Variants in DENND4C observed in about 807,000 individuals in gnomAD.
DENND4C encodes the protein DENN domain-containing protein 4C.
Under a neutral mutation model 203.0 loss-of-function variants are expected in DENND4C, and 108 were observed. That is an observed-to-expected ratio of 0.53 (90% confidence interval 0.46 to 0.62). DENND4C has a LOEUF of 0.62. DENND4C is among the 20% of genes least tolerant of loss of function. The pLI is 0.00. For missense variants in DENND4C, 2,481 were observed against 2,301.2 expected (o/e 1.08, Z -1.60); for synonymous variants, 871 against 792.4 (o/e 1.10, Z -1.67).
At chr9:19,340,891 A>G (rs887487953) in intron 20 of DENND4C, 101 bp from the exon 21 acceptor site, 4 of 1,059,306 alleles carry the variant, frequency 3.8e-6, no homozygotes, top group Non-Finnish European at 5.1e-6. Context: ...CCTTTTGTCT[A>G]ACCGTAATTG....
chr9:19,230,551 G>C (rs1447374059), upstream of DENND4C: 1 of 152,270 alleles, frequency 6.6e-6, no homozygotes, highest in African/African-American at 2.4e-5. Flanking sequence ...GCTGCGCCGC[G>C]GGCAGCTCCT....
intron 17 of DENND4C, among the ~76,000 whole-genome samples, chr9:19,334,220 A>G (rs1819912178): frequency 6.6e-6 from 1 of 151,856 alleles, no homozygotes; most frequent in South Asian, 2.1e-4. Flanking sequence ...TAATTTTTGT[A>G]TATATTTTTT....
intron 30 of DENND4C, among the ~76,000 whole-genome samples, chr9:19,367,980 G>T (rs1828030195): frequency 6.6e-6 from 1 of 152,152 alleles, no homozygotes; most frequent in Non-Finnish European, 1.5e-5. Flanking sequence ...GTTGCCTAGG[G>T]CTAAGGGGTT....
intron 1 of DENND4C, among the ~76,000 whole-genome samples, chr9:19,274,957 G>A (rs1043011233): frequency 2.2e-4 from 33 of 152,154 alleles, no homozygotes; most frequent in African/African-American, 7.0e-4. Flanking sequence ...GGAAAATACC[G>A]TAGTCCACCT....
In DENND4C at chr9:19,355,189, C is replaced by T. The variant is rs146298138; in HGVS notation, c.4782-1783C>T. Among the ~76,000 whole-genome samples the T allele has an allele frequency of 7.4e-3, 1,125 of 152,230 alleles. 18 individuals are homozygous for T. Among genetic ancestry groups the T allele is most frequent in the African/African-American group, 0.026 (1,088 of 41,548 alleles). On this transcript the variant is annotated intron_variant, in intron 26 of 32. Transcript: ENST00000434457. ...TCTCCCAAAGTGCCGGGATTACAGG[C>T]GTCAGCCACCATGCCTGGCCATTCA...
rs371179859 is a variant in DENND4C at position 19,326,164 on chromosome 9, A to G, written c.2090A>G (p.Asp697Gly). 1 of 1,613,308 alleles carries G rather than the reference A, an allele frequency of 6.2e-7. No individual in the cohort carries two copies. The highest frequency in any genetic ancestry group is 8.5e-7 in the Non-Finnish European group (1 of 1,179,680). Residue 697 changes from aspartate to glycine, a missense_variant, in exon 15 of 33, where the codon GAT (aspartate) becomes GGT (glycine). Around this residue, in one of 3 missense-constraint regions of DENND4C, gnomAD observed 2,289 missense variants for 2,113.3 expected, o/e 1.08. Coordinates refer to ENST00000434457, the MANE Select transcript of DENND4C (RefSeq NM_001330640.2). ...ATAATGCCGCCAGAGCCACCTCCTG[A>G]TGATGGAAAGGACCTGTCACCAAAG... is the stretch of plus-strand genomic sequence containing the variant. ...VFIMPPEPPPDDGKDLSPKYS... is the reference protein window; with the variant it reads ...VFIMPPEPPPGDGKDLSPKYS...
Position 19,346,886 on chromosome 9 carries a change from A to C in DENND4C, c.4117A>C (p.Thr1373Pro), listed in dbSNP as rs776035832. The C allele has an allele frequency of 1.8e-5, 29 of 1,614,098 alleles. No individual in the cohort carries two copies. The Admixed American group carries it at 3.8e-4, about 21-fold the overall frequency. Residue 1373 changes from threonine to proline, a missense_variant, in exon 23 of 33, where the codon ACT becomes CCT. Coordinates refer to ENST00000434457, the MANE Select transcript of DENND4C (RefSeq NM_001330640.2). ...CTCTCGAACTCATAAAGAACGTTCA[A>C]CTTCTTTGTCAGCACTGGTGCGTTC... The part of the protein sequence containing the change: ...TPSRTHKERS[T>P]SLSALVRSSP...
At chr9:19,335,160 G>A in intron 18 of DENND4C, 55 bp downstream of exon 18, 1 of 1,318,464 alleles carries the variant, frequency 7.6e-7, no homozygotes, top group Non-Finnish European at 1.0e-6. Context: ...TGATTATTTT[G>A]TATACCTTTA....
At chr9:19,352,440 A>T (rs758579288) in intron 25 of DENND4C, 50 bp from the exon 26 acceptor site, 1 of 1,476,146 alleles carries the variant, frequency 6.8e-7, no homozygotes, top group Non-Finnish European at 9.1e-7. Flanking sequence ...ATTCCTGTTA[A>T]GATTAATTTT....
At chr9:19,268,319 T>C (rs1190076688) in intron 1 of DENND4C, among the ~76,000 whole-genome samples, 1 of 152,136 alleles carries the variant, frequency 6.6e-6, no homozygotes, top group Non-Finnish European at 1.5e-5. Flanking sequence ...AGGCTGGTAT[T>C]GAACGCCTGA....
intron 22 of DENND4C, among the ~76,000 whole-genome samples, chr9:19,344,901 C>T (rs1822492168): frequency 1.3e-5 from 2 of 152,110 alleles, no homozygotes; most frequent in African/African-American, 4.8e-5. Flanking sequence ...GTGAGTTCTG[C>T]AGAGGGCCCT....
At chr9:19,256,432 G>A (rs1224083801) in intron 1 of DENND4C, among the ~76,000 whole-genome samples, 6 of 148,966 alleles carry the variant, frequency 4.0e-5, no homozygotes, top group Non-Finnish European at 3.0e-5. Flanking sequence ...TTCTCCTGTC[G>A]CAGCCTCCCG....
intron 9 of DENND4C, among the ~76,000 whole-genome samples, chr9:19,304,900 A>G (rs1253188128): frequency 1.3e-5 from 2 of 151,562 alleles, no homozygotes; most frequent in Non-Finnish European, 2.9e-5. Flanking sequence ...TTCCCTGGAA[A>G]ATAATTAGTT....
intron 1 of DENND4C, among the ~76,000 whole-genome samples, chr9:19,246,396 A>C (rs1825271391): frequency 1.3e-5 from 2 of 152,140 alleles, no homozygotes; most frequent in Admixed American, 1.3e-4. Flanking sequence ...AAGACTATGT[A>C]ATCTCTTTCC....
At chr9:19,246,795 C>A (rs1035211562) in intron 1 of DENND4C, among the ~76,000 whole-genome samples, 2 of 152,088 alleles carry the variant, frequency 1.3e-5, no homozygotes, top group African/African-American at 4.8e-5. Context: ...CCTGGCGAAT[C>A]ATTTTTCTTA....
intron 1 of DENND4C, among the ~76,000 whole-genome samples, chr9:19,246,124 A>G (rs543807031): frequency 2.0e-5 from 3 of 150,884 alleles, no homozygotes; most frequent in South Asian, 2.1e-4. Flanking sequence ...TTCAGTAAGT[A>G]TTAGTGTTCT....
At chr9:19,252,655 A>G (rs1035205425) in intron 1 of DENND4C, among the ~76,000 whole-genome samples, 7 of 151,824 alleles carry the variant, frequency 4.6e-5, no homozygotes, top group Non-Finnish European at 8.8e-5. Flanking sequence ...TGATAGCTTC[A>G]TTGGCTCACA....
chr9:19,286,103 G>A (rs537112249), intron 2 of DENND4C, among the ~76,000 whole-genome samples: 15 of 152,200 alleles, frequency 9.9e-5, no homozygotes, highest in African/African-American at 3.6e-4. Flanking sequence ...TATTGCCAAA[G>A]GCAGCTGGAA....
In DENND4C at chr9:19,336,766, G is replaced by A; in HGVS notation, c.2815G>A (p.Gly939Arg). The change falls in exon 20 of 33, where the codon GGG becomes AGG. Residue 939 changes from glycine to arginine, a missense_variant. Physicochemically the swap from Gly to Arg is moderately radical, Grantham distance 125 (BLOSUM62 -2). Coordinates refer to ENST00000434457, the MANE Select transcript of DENND4C (RefSeq NM_001330640.2). ...GGATAGTTCTAATGATGCTAACAAT[G>A]GGGAGCACACAGTCTTCGTCAGAGA... ...SVDSSNDANN[G>R]EHTVFVRDLI... 2 of 1,550,916 alleles carry A rather than the reference G, an allele frequency of 1.3e-6. No homozygotes were observed. The highest frequency in any genetic ancestry group is 1.7e-6 in the Non-Finnish European group (2 of 1,147,022).
Sources: gnomAD v4.1 joint callset for allele counts (sites outside exome capture counted in the v4.1 genomes callset) on GRCh38, gnomAD v4.1.1 for gene constraint, gnomAD v4.1.1 regional missense constraint, MANE v1.5 for transcripts, NCBI Gene and HGNC (gene_info 2026-07-23, HGNC 2026-07-21) for gene names.